The following SHC4 variants were observed in gnomAD, a reference collection of about 807,000 sequenced individuals.
SHC4 encodes SHC adaptor protein 4, also known as SHC-transforming protein 4.
SHC4 carries 41 observed loss-of-function variants against 69.4 expected under a neutral mutation model. The ratio of observed to expected loss-of-function variants is 0.59; its 90% CI spans 0.46 to 0.77. The LOEUF is 0.77. Ranked by LOEUF, SHC4 falls within the 30% of genes least tolerant of loss-of-function variation. The pLI is 0.00. For missense variants in SHC4, 777 were observed against 783.8 expected (o/e 0.99, Z 0.10); for synonymous variants, 318 against 299.3 (o/e 1.06, Z -0.64).
chr15:48,868,657 ACT>A (rs1384513815), intron 5 of SHC4, among the ~76,000 whole-genome samples: 2 of 152,102 alleles, frequency 1.3e-5, no homozygotes, highest in Non-Finnish European at 2.9e-5. Context: ...TAGAAGTATG[ACT>A]CTCTAGAGGG....
chr15:48,961,662 T>C (rs1190954794), intron 1 of SHC4, among the ~76,000 whole-genome samples: 1 of 152,252 alleles, frequency 6.6e-6, no homozygotes, highest in East Asian at 1.9e-4. Flanking sequence ...TCATATTAGC[T>C]ATCTATTGCT....
At position 48,834,792 on chromosome 15, in the gene SHC4, G is replaced by A; in HGVS notation, c.1714C>T (p.Leu572Phe). The A allele has an allele frequency of 6.2e-7, 1 of 1,614,142 alleles. No individual in the cohort carries two copies. The highest frequency in any genetic ancestry group is 8.5e-7 in the Non-Finnish European group (1 of 1,180,004). ...ACCTTGCCTTCAGGATCCACCAGGA[G>A]AAGATGTTTTGCTTGGCCTCCCTGT... Reference protein sequence around the residue: ...GLQGGQAKHLLLVDPEGKVRT... With the variant: ...GLQGGQAKHLFLVDPEGKVRT... Residue 572 changes from leucine to phenylalanine, a missense_variant, in exon 11 of 12, where the codon CTC becomes TTC. Coordinates refer to ENST00000332408, the MANE Select transcript of SHC4 (RefSeq NM_203349.4).
rs138796905 is a variant in SHC4 at position 48,897,756 on chromosome 15, G to GACACACACACACACACACACACAC, written c.657-6969_657-6946dup. Among the ~76,000 whole-genome samples, 374 of 139,030 alleles carry GACACACACACACACACACACACAC rather than the reference G, an allele frequency of 2.7e-3. 2 individuals carry two copies. Among genetic ancestry groups the GACACACACACACACACACACACAC allele is most frequent in the East Asian group, 0.014 (65 of 4,584 alleles). The allele number at this position is 139,030 out of a possible 152,430, so 91.2% of individuals were successfully genotyped here. A position where few individuals can be genotyped will look rare whatever the true frequency, so the allele number is the denominator to read the frequency against. On this transcript the variant is annotated intron_variant, in intron 2 of 11. Transcript: ENST00000332408. ...ATGATCCCCACATCCCCCACCTTCT[G>GACACACACACACACACACACACAC]ACACACACACACACACACACACACA...
chr15:48,951,790 T>A (rs1901369655), intron 1 of SHC4, among the ~76,000 whole-genome samples: 1 of 152,206 alleles, frequency 6.6e-6, no homozygotes, highest in South Asian at 2.1e-4. Context: ...GGTGTGCCCT[T>A]TCTTCTCTGA....
intron 1 of SHC4, chr15:48,948,017 T>C (rs1410773124): frequency 6.6e-6 from 1 of 152,230 alleles, no homozygotes; most frequent in African/African-American, 2.4e-5. Context: ...TAAACCTCCA[T>C]CTCCAGAGAC....
rs186797109 is a variant in SHC4 at position 48,860,334 on chromosome 15, G to A, written c.947-2519C>T. Reference sequence around the variant, plus strand: ...TTCATGGCCAACATGGTGAAACCCCGTATCTATTAAAAATACAAAAAAATT... The same window carrying A: ...TTCATGGCCAACATGGTGAAACCCCATATCTATTAAAAATACAAAAAAATT... On this transcript the variant is annotated intron_variant, in intron 6 of 11. Coordinates refer to ENST00000332408, the MANE Select transcript of SHC4 (RefSeq NM_203349.4). Among the ~76,000 whole-genome samples the A allele has an allele frequency of 2.8e-3, 418 of 151,876 alleles. 4 individuals carry two copies. Among genetic ancestry groups the A allele is most frequent in the African/African-American group, 9.4e-3 (389 of 41,420 alleles).
intron 4 of SHC4, chr15:48,876,738 C>A: frequency 2.1e-6 from 1 of 481,282 alleles, no homozygotes; most frequent in Non-Finnish European, 3.8e-6. Flanking sequence ...ATATTCTAGC[C>A]AAGCTGGCAG....
intron 3 of SHC4, among the ~76,000 whole-genome samples, chr15:48,885,254 C>T (rs1900013969): frequency 6.6e-6 from 1 of 152,124 alleles, no homozygotes; most frequent in Non-Finnish European, 1.5e-5. Flanking sequence ...TTTCCTCAGG[C>T]AGAAATGCCA....
chr15:48,892,564 A>G (rs1297680922), intron 2 of SHC4, among the ~76,000 whole-genome samples: 1 of 152,180 alleles, frequency 6.6e-6, no homozygotes, highest in African/African-American at 2.4e-5. Context: ...GACTCATATT[A>G]TTAATCCAAA....
chr15:48,960,029 T>C (rs1297831397), intron 1 of SHC4, among the ~76,000 whole-genome samples: 1 of 152,246 alleles, frequency 6.6e-6, no homozygotes, highest in Non-Finnish European at 1.5e-5. Context: ...GTAAGTTCTT[T>C]CACGTATTTT....
In SHC4 at chr15:48,843,555, C is replaced by T. The variant is rs199710236; in HGVS notation, c.1337G>A (p.Arg446Gln). The T allele has an allele frequency of 2.2e-5, 36 of 1,614,142 alleles. No homozygotes were observed. In the Admixed American group the frequency reaches 3.3e-4, roughly 15 times the overall value. The part of the protein sequence containing the change: ...NVHPRGVQSQ[R>Q]DTSLLKHTCR... ...CGTGTGCTTCAATAATGAGGTATCT[C>T]GCTGGGACTGCACCCCTCTTGGATG... Residue 446 changes from arginine (R) to glutamine (Q), a missense_variant, in exon 10 of 12, where the codon CGA becomes CAA. Physicochemically the swap from Arg to Gln is conservative, Grantham distance 43. Transcript: ENST00000332408.
chr15:48,929,634 A>G (rs1190089930), intron 1 of SHC4, among the ~76,000 whole-genome samples: 2 of 152,228 alleles, frequency 1.3e-5, no homozygotes, highest in African/African-American at 4.8e-5. Flanking sequence ...ACCCAGGAAC[A>G]CGGTGAACAG....
At chr15:48,832,788 T>C (rs1212442403) in intron 11 of SHC4, among the ~76,000 whole-genome samples, 1 of 152,182 alleles carries the variant, frequency 6.6e-6, no homozygotes, top group African/African-American at 2.4e-5. Flanking sequence ...TGACCTCTCT[T>C]TGAGTTTGCT....
chr15:48,851,124 CAT>C (rs1899205395), intron 9 of SHC4, 62 bp downstream of exon 9: 1 of 1,509,052 alleles, frequency 6.6e-7, no homozygotes, highest in Admixed American at 1.7e-5. Context: ...GCAAGGGCCA[CAT>C]ATGTCCATAG....
intron 1 of SHC4, among the ~76,000 whole-genome samples, chr15:48,939,938 G>A (rs1308210489): frequency 1.3e-5 from 2 of 152,236 alleles, no homozygotes; most frequent in Admixed American, 6.5e-5. Context: ...GCCTGCCATT[G>A]GAAGCCCATC....
chr15:48,892,015 C>G (rs996748475), intron 2 of SHC4, among the ~76,000 whole-genome samples: 6 of 152,102 alleles, frequency 3.9e-5, no homozygotes, highest in African/African-American at 1.4e-4. Flanking sequence ...CCAACACGCC[C>G]GGTTAATTTT....
intron 2 of SHC4, among the ~76,000 whole-genome samples, chr15:48,909,958 A>G (rs1320454834): frequency 3.3e-5 from 5 of 152,130 alleles, no homozygotes; most frequent in Admixed American, 2.6e-4. Context: ...TTGGTTAGCT[A>G]GTATTTTGTT....
At chr15:48,843,824 A>C (rs1401507528) in intron 9 of SHC4, among the ~76,000 whole-genome samples, 1 of 152,086 alleles carries the variant, frequency 6.6e-6, no homozygotes, top group African/African-American at 2.4e-5. Context: ...CAGCTGACCA[A>C]TTGCGTCAAC....
intron 1 of SHC4, among the ~76,000 whole-genome samples, chr15:48,945,394 T>C (rs1901257246): frequency 6.6e-6 from 1 of 151,716 alleles, no homozygotes. Flanking sequence ...GTTGAAAACA[T>C]GTCTGCACAA....
Sources: gnomAD v4.1 joint callset for allele counts (sites outside exome capture counted in the v4.1 genomes callset) on GRCh38, gnomAD v4.1.1 for gene constraint, MANE v1.5 for transcripts, NCBI Gene and HGNC (gene_info 2026-07-23, HGNC 2026-07-21) for gene names.